Variants in PAFAH2 observed in about 807,000 individuals in gnomAD.
PAFAH2 encodes the protein platelet activating factor acetylhydrolase 2.
Under a neutral mutation model 49.0 loss-of-function variants are expected in PAFAH2, and 42 were observed. The observed-to-expected ratio is 0.86, with a 90% CI of 0.67 to 1.11. The LOEUF (loss-of-function observed/expected upper bound fraction) is 1.11. Among genes scored for constraint, PAFAH2 ranks in the 50% least tolerant of loss-of-function variants. The pLI, the probability that PAFAH2 is intolerant of heterozygous loss-of-function variation, is 0.00. For synonymous variants in PAFAH2, 184 were observed against 181.3 expected, an observed-to-expected ratio of 1.01 and a Z score of -0.12; for missense variants, 503 against 501.8, an observed-to-expected ratio of 1.00 and a Z score of -0.02.
At chr1:25,976,957 T>C (rs2049599003) in intron 7 of PAFAH2, among the ~76,000 whole-genome samples, 184 bp from the exon 8 acceptor site, 1 of 151,558 alleles carries the variant, frequency 6.6e-6, no homozygotes, top group Non-Finnish European at 1.5e-5. Flanking sequence ...CAAGCAATCC[T>C]TAGACTGAAC....
intron 9 of PAFAH2, 21 bp from the exon 10 acceptor site, chr1:25,972,733 C>T (rs2049529120): frequency 6.2e-7 from 1 of 1,613,690 alleles, no homozygotes; most frequent in South Asian, 1.1e-5. Flanking sequence ...AGAAAAACAA[C>T]TGGCAGGGGT....
Position 25,990,862 on chromosome 1 carries a change from G to T in PAFAH2, c.-46C>A. ...ATGACTTGCCGGAGCTGAACTTGCT[G>T]GCTGGATGGGGGAACACAGAACAGC... On this transcript the variant is annotated splice_region_variant and 5_prime_UTR_variant, in exon 2 of 11. Transcript: ENST00000374282. 6.7e-7 allele frequency: 1 copy of T among 1,494,412 alleles called. No individual in the cohort carries two copies. The highest frequency in any genetic ancestry group is 9.3e-7 in the Non-Finnish European group (1 of 1,072,396). The allele number at this position is 1,494,412 out of a possible 1,614,324, so 92.6% of individuals were successfully genotyped here. A position where few individuals can be genotyped will look rare whatever the true frequency, so the allele number is the denominator to read the frequency against.
chr1:25,994,301 T>A (rs2049911849), intron 1 of PAFAH2, among the ~76,000 whole-genome samples: 1 of 152,060 alleles, frequency 6.6e-6, no homozygotes, highest in South Asian at 2.1e-4. Context: ...GGCTAATTTT[T>A]GTATTTATTT....
rs2049530498 is a variant in PAFAH2 at position 25,972,795 on chromosome 1, G to C, written c.930-83C>G. On this transcript the variant is annotated intron_variant, in intron 9 of 10. Coordinates refer to ENST00000374282, the MANE Select transcript of PAFAH2 (RefSeq NM_000437.4). ...GTTAGGCACCTACTATGTGCAAGGT[G>C]CTTTTCATGTATTATCACACTTTAT... The C allele has an allele frequency of 2.9e-6, 4 of 1,368,996 alleles. 1 individual carries two copies. Among genetic ancestry groups the C allele is most frequent in the Middle Eastern group, 1.8e-4 (1 of 5,504 alleles). 84.8% of individuals were successfully genotyped at this position (1,368,996 alleles called of 1,614,324 possible). A position where few individuals can be genotyped will look rare whatever the true frequency, so the allele number is the denominator to read the frequency against.
chr1:25,971,116 C>A (rs2049503315), intron 10 of PAFAH2, among the ~76,000 whole-genome samples: 1 of 151,952 alleles, frequency 6.6e-6, no homozygotes, highest in Non-Finnish European at 1.5e-5. Flanking sequence ...TTAACCTGGG[C>A]AAGTAGAGGA....
Position 25,977,393 on chromosome 1 carries a change from G to A in PAFAH2, c.667-620C>T, listed in dbSNP as rs541081009. On this transcript the variant is annotated intron_variant, in intron 7 of 10. Transcript: ENST00000374282. ...AGGCCGGGTGTGGTGGCTCACACCT[G>A]TAATCCCAACACTCTGGGAAGCCAA... Among the ~76,000 whole-genome samples the A allele has an allele frequency of 4.8e-5, 7 of 146,284 alleles. No individual in the cohort carries two copies. The East Asian group carries it at 1.7e-3, about 35-fold the overall frequency.
intron 10 of PAFAH2, among the ~76,000 whole-genome samples, chr1:25,963,888 C>T (rs1224358731): frequency 1.3e-5 from 2 of 152,106 alleles, no homozygotes; most frequent in Non-Finnish European, 2.9e-5. Context: ...GGGAGTGTGC[C>T]ACGAGACTAT....
chr1:25,974,707 G>C, intron 8 of PAFAH2, 57 bp from the exon 9 acceptor site: 1 of 1,524,586 alleles, frequency 6.6e-7, no homozygotes, highest in Non-Finnish European at 8.9e-7. Context: ...AGAATAGTTA[G>C]GGTGGTGGAG....
rs59896051 is a variant in PAFAH2 at position 25,987,237 on chromosome 1, A to AAAAATAAAATAAAAT, written c.341+979_341+993dup. Among the ~76,000 whole-genome samples, 165 of 133,886 alleles carry AAAAATAAAATAAAAT rather than the reference A, an allele frequency of 1.2e-3. 1 individual carries two copies. Among genetic ancestry groups the AAAAATAAAATAAAAT allele is most frequent in the East Asian group, 6.9e-3 (31 of 4,490 alleles). 87.8% of individuals were successfully genotyped at this position (133,886 alleles called of 152,430 possible). The stretch of plus-strand genomic sequence containing the variant: ...CGACTGATCGAGACTCTGTCTCAGA[A>AAAAATAAAATAAAAT]AAAATAAAATAAAATAAAATAAAAT... On this transcript the variant is annotated intron_variant, in intron 4 of 10. Coordinates refer to ENST00000374282, the MANE Select transcript of PAFAH2 (RefSeq NM_000437.4).
rs1389447838 is a variant in PAFAH2 at position 25,987,723 on chromosome 1, A to C, written c.341+508T>G. Reference sequence around the variant, plus strand: ...AGTGAGATCTCGTCCCTGAAAAAAAAAAAAAAAATTTAAAAATAGCCAGGC... The same window carrying C: ...AGTGAGATCTCGTCCCTGAAAAAAACAAAAAAAATTTAAAAATAGCCAGGC... On this transcript the variant is annotated intron_variant, in intron 4 of 10. Coordinates refer to ENST00000374282, the MANE Select transcript of PAFAH2 (RefSeq NM_000437.4). Among the ~76,000 whole-genome samples the C allele has an allele frequency of 9.9e-5, 15 of 151,932 alleles. No homozygotes were observed. In the East Asian group the frequency reaches 2.9e-3, roughly 29 times the overall value.
chr1:25,981,864 T>C (rs1321272041), intron 7 of PAFAH2, among the ~76,000 whole-genome samples: 1 of 151,562 alleles, frequency 6.6e-6, no homozygotes, highest in Non-Finnish European at 1.5e-5. Context: ...CTAGTAAAAA[T>C]ACAAAAATTA....
At position 25,961,746 on chromosome 1, in the gene PAFAH2, C is replaced by T. The variant is rs2049341104; in HGVS notation, c.*243G>A. On this transcript the variant is annotated 3_prime_UTR_variant, in exon 11 of 11. Coordinates refer to ENST00000374282, the MANE Select transcript of PAFAH2 (RefSeq NM_000437.4). ...CCCCAGTCCCACTCTACTGCTTGTT[C>T]CCCACTCCATCAAGGTCCCAGAAAG... 2.4e-6 allele frequency: 1 copy of T among 415,888 alleles called. No individual in the cohort carries two copies. 25.8% of individuals were successfully genotyped at this position (415,888 alleles called of 1,614,324 possible).
intron 10 of PAFAH2, among the ~76,000 whole-genome samples, chr1:25,966,231 T>C (rs1331314187): frequency 6.6e-6 from 1 of 152,074 alleles, no homozygotes; most frequent in Non-Finnish European, 1.5e-5. Context: ...GAACTAAAAA[T>C]AGAACTACCA....
At chr1:25,975,208 C>T (rs298442) in intron 8 of PAFAH2, among the ~76,000 whole-genome samples, 29,088 of 152,028 alleles carry the variant, frequency 0.19, 2,905 homozygotes, top group East Asian at 0.21. Flanking sequence ...CTTCCTCAGA[C>T]CCCTGAAATG....
intron 10 of PAFAH2, among the ~76,000 whole-genome samples, chr1:25,965,743 G>T (rs1200546802): frequency 2.1e-5 from 3 of 145,372 alleles, no homozygotes; most frequent in Admixed American, 7.0e-5. Context: ...ACTTGAACCT[G>T]GGGGGCAGAG....
chr1:25,961,320 C>T lies in PAFAH2; in HGVS notation c.*669G>A, dbSNP rs920007732. The T allele has an allele frequency of 7.2e-5, 11 of 152,216 alleles. No individual in the cohort carries two copies. The highest frequency in any genetic ancestry group is 1.5e-5 in the Non-Finnish European group (1 of 68,042). 9.4% of individuals were successfully genotyped at this position (152,216 alleles called of 1,614,324 possible). A position where few individuals can be genotyped will look rare whatever the true frequency, so the allele number is the denominator to read the frequency against. ...GACATCCAGAGCTTCTGAGGTACCT[C>T]TGTGTACCTCAGTTTTTCTCCCTGT... On this transcript the variant is annotated 3_prime_UTR_variant, in exon 11 of 11. Coordinates refer to ENST00000374282, the MANE Select transcript of PAFAH2 (RefSeq NM_000437.4).
At chr1:25,972,477 G>C in intron 10 of PAFAH2, 81 bp downstream of exon 10, 2 of 1,441,508 alleles carry the variant, frequency 1.4e-6, no homozygotes, top group Non-Finnish European at 1.9e-6. Flanking sequence ...CCAGATCCCA[G>C]ACATGTCAGA....
At position 25,962,102 on chromosome 1, in the gene PAFAH2, G is replaced by A; in HGVS notation, c.1085-19C>T. 1 of 1,578,080 alleles carries A rather than the reference G, an allele frequency of 6.3e-7. No homozygotes were observed. Among genetic ancestry groups the A allele is most frequent in the East Asian group, 2.2e-5 (1 of 44,638 alleles). On this transcript the variant is annotated intron_variant, in intron 10 of 10. Coordinates refer to ENST00000374282, the MANE Select transcript of PAFAH2 (RefSeq NM_000437.4). ...TTCAGGTCTGAAAAGGAAAAAAACA[G>A]GAACATTAGGCAAATCATTGTGAGG...
At chr1:25,995,230 C>T (rs2049922647) in intron 1 of PAFAH2, among the ~76,000 whole-genome samples, 1 of 152,228 alleles carries the variant, frequency 6.6e-6, no homozygotes, top group African/African-American at 2.4e-5. Context: ...CCTATCATCT[C>T]TGATCACTGT....
Sources: allele counts gnomAD v4.1 joint callset (sites outside exome capture counted in the v4.1 genomes callset), GRCh38; gene constraint gnomAD v4.1.1; transcripts MANE v1.5; gene names NCBI Gene and HGNC (gene_info 2026-07-23, HGNC 2026-07-21).